TOX3: variants seen among roughly 807,000 people sequenced by gnomAD.
TOX3 encodes the protein TOX high mobility group box family member 3, also known as CAG trinucleotide repeat-containing gene F9 protein.
Under a neutral mutation model 64.3 loss-of-function variants are expected in TOX3, and 22 were observed. The ratio of observed to expected loss-of-function variants is 0.34; its 90% CI spans 0.24 to 0.49. TOX3 has a LOEUF of 0.49. TOX3 is among the 20% of genes least tolerant of loss of function. The probability of loss-of-function intolerance (pLI) is 0.99; values close to 1 mark genes in which losing one functional copy is unlikely to be tolerated. For missense variants in TOX3, 661 were observed against 714.4 expected (o/e 0.93, Z 0.85); for synonymous variants, 291 against 273.6 (o/e 1.06, Z -0.63).
At chr16:52,510,373 C>T (rs56050258) in intron 1 of TOX3, among the ~76,000 whole-genome samples, 1 of 152,186 alleles carries the variant, frequency 6.6e-6, no homozygotes, top group African/African-American at 2.4e-5. Flanking sequence ...GAAATAGATA[C>T]TAAAAATTTA....
At chr16:52,508,206 T>C (rs1962212304) in intron 1 of TOX3, among the ~76,000 whole-genome samples, 1 of 152,248 alleles carries the variant, frequency 6.6e-6, no homozygotes, top group Non-Finnish European at 1.5e-5. Context: ...AAATGTATAA[T>C]GCAGATACAT....
intron 1 of TOX3, among the ~76,000 whole-genome samples, chr16:52,478,489 T>C (rs1430766037): frequency 6.6e-6 from 1 of 152,216 alleles, no homozygotes; most frequent in Non-Finnish European, 1.5e-5. Flanking sequence ...TTATATCTCA[T>C]CAGAGATACA....
At chr16:52,515,987 G>GTGTA (rs1398932992) in intron 1 of TOX3, among the ~76,000 whole-genome samples, 3 of 151,460 alleles carry the variant, frequency 2.0e-5, no homozygotes, top group African/African-American at 7.3e-5. Context: ...GTGTGTGTGT[G>GTGTA]TATCTGAATC....
At chr16:52,474,008 G>C (rs1961132145) in intron 1 of TOX3, among the ~76,000 whole-genome samples, 2 of 152,024 alleles carry the variant, frequency 1.3e-5, no homozygotes, top group African/African-American at 4.8e-5. Context: ...AGGATCCCCT[G>C]AGCACCACAC....
chr16:52,474,036 T>A (rs1359083300), intron 1 of TOX3, among the ~76,000 whole-genome samples: 1 of 152,196 alleles, frequency 6.6e-6, no homozygotes, highest in African/African-American at 2.4e-5. Flanking sequence ...TCCAACGGTC[T>A]ACAGCCCTTC....
rs144918741 is a variant in TOX3, at chr16:52,483,462, G to T, written c.88-14888C>A. On this transcript the variant is annotated intron_variant, in intron 1 of 6. Coordinates refer to ENST00000219746, the MANE Select transcript of TOX3 (RefSeq NM_001080430.4). ...CTGTACAGTTATAATCTCCCTTCGT[G>T]TGCCTTTGTGAAATGAGCTGAGATG... Among the ~76,000 whole-genome samples, 460 of 151,888 alleles carry T rather than the reference G, an allele frequency of 3.0e-3. 2 individuals are homozygous for T. The highest frequency in any genetic ancestry group is 0.01 in the African/African-American group (433 of 41,412).
chr16:52,467,978 A>C (rs1960918958), intron 2 of TOX3, among the ~76,000 whole-genome samples: 1 of 152,190 alleles, frequency 6.6e-6, no homozygotes, highest in African/African-American at 2.4e-5. Context: ...TACTACTGCC[A>C]GGCACTGTAC....
At chr16:52,464,319 AAAATATCTT>A (rs1960790408) in intron 2 of TOX3, 131 bp from the exon 3 acceptor site, 1 of 1,029,930 alleles carries the variant, frequency 9.7e-7, no homozygotes. Flanking sequence ...TTCTCAAATG[AAAATATCTT>A]AAACACAGAT....
intron 1 of TOX3, among the ~76,000 whole-genome samples, chr16:52,525,055 T>G (rs1407263255): frequency 1.3e-5 from 2 of 152,134 alleles, no homozygotes; most frequent in Non-Finnish European, 2.9e-5. Context: ...GAATATTGTT[T>G]TGTTGCTTTT....
intron 1 of TOX3, among the ~76,000 whole-genome samples, chr16:52,538,628 T>A (rs1963011962): frequency 6.6e-6 from 1 of 152,196 alleles, no homozygotes; most frequent in East Asian, 1.9e-4. Context: ...GTATATATCA[T>A]TCAAATATGA....
intron 1 of TOX3, among the ~76,000 whole-genome samples, chr16:52,484,543 T>C (rs968437920): frequency 6.6e-6 from 1 of 152,120 alleles, no homozygotes; most frequent in Non-Finnish European, 1.5e-5. Flanking sequence ...CAAACAGCAA[T>C]AATCAAGTTT....
chr16:52,528,407 T>A (rs957843107), intron 1 of TOX3, among the ~76,000 whole-genome samples: 28 of 151,804 alleles, frequency 1.8e-4, no homozygotes, highest in African/African-American at 6.1e-4. Context: ...AGACTTGATC[T>A]GTTTTTTTTT....
chr16:52,473,576 T>C (rs567493620), intron 1 of TOX3, among the ~76,000 whole-genome samples: 65 of 152,284 alleles, frequency 4.3e-4, no homozygotes, highest in African/African-American at 1.4e-3. Flanking sequence ...CTCGGTTAAC[T>C]ACCCCCTGGA....
chr16:52,438,307 A>G lies in TOX3; in HGVS notation c.*918T>C, dbSNP rs1265611296. The G allele has an allele frequency of 2.0e-5, 3 of 152,680 alleles. No homozygotes were observed. The highest frequency in any genetic ancestry group is 4.4e-5 in the Non-Finnish European group (3 of 68,046). The allele number at this position is 152,680 out of a possible 1,614,324, so 9.5% of individuals were successfully genotyped here. On this transcript the variant is annotated 3_prime_UTR_variant, in exon 7 of 7. Coordinates refer to ENST00000219746, the MANE Select transcript of TOX3 (RefSeq NM_001080430.4). ...ATATGAAAACTTACAACTTTGAAAGAAAATATTTACATTGATTATTCAGAT... is the reference window on the plus strand; with the variant it reads ...ATATGAAAACTTACAACTTTGAAAGGAAATATTTACATTGATTATTCAGAT...
At chr16:52,507,652 A>T (rs1962194453) in intron 1 of TOX3, among the ~76,000 whole-genome samples, 1 of 152,226 alleles carries the variant, frequency 6.6e-6, no homozygotes, top group Non-Finnish European at 1.5e-5. Flanking sequence ...ACCTTTTTTA[A>T]AAAAAGATAC....
chr16:52,534,604 C>T (rs867804716), intron 1 of TOX3, among the ~76,000 whole-genome samples: 1 of 151,768 alleles, frequency 6.6e-6, no homozygotes, highest in Non-Finnish European at 1.5e-5. Flanking sequence ...CCACTGCACT[C>T]CAGCCGGGGC....
intron 2 of TOX3, among the ~76,000 whole-genome samples, chr16:52,466,810 C>T (rs187895383): frequency 7.4e-4 from 112 of 151,960 alleles, no homozygotes; most frequent in African/African-American, 2.5e-3. Context: ...GTTAAACTAC[C>T]TTTAAAGGCA....
intron 1 of TOX3, among the ~76,000 whole-genome samples, chr16:52,541,985 G>C (rs1186652777): frequency 6.6e-6 from 1 of 152,212 alleles, no homozygotes; most frequent in Admixed American, 6.5e-5. Context: ...ACTAATAGAT[G>C]TGAAGCTAAA....
Position 52,439,106 on chromosome 16 carries a change from G to A in TOX3, c.*119C>T, listed in dbSNP as rs1004769659. ...TATCTAATAGACACTTGAGAGGACC[G>A]TTTGATCTGTTACACATTTCTGCAT... On this transcript the variant is annotated 3_prime_UTR_variant, in exon 7 of 7. Transcript: ENST00000219746. 25 of 1,442,692 alleles carry A rather than the reference G, an allele frequency of 1.7e-5. No individual in the cohort carries two copies. The highest frequency in any genetic ancestry group is 1.8e-4 in the Middle Eastern group (1 of 5,696). The allele number at this position is 1,442,692 out of a possible 1,614,324, so 89.4% of individuals were successfully genotyped here.
Sources: gnomAD v4.1 joint callset for allele counts (sites outside exome capture counted in the v4.1 genomes callset) on GRCh38, gnomAD v4.1.1 for gene constraint, MANE v1.5 for transcripts, NCBI Gene and HGNC (gene_info 2026-07-23, HGNC 2026-07-21) for gene names.